The following CYB5R2 variants were observed in gnomAD, a reference collection of about 807,000 sequenced individuals.
The protein encoded by CYB5R2 is cytochrome b5 reductase 2.
A neutral mutation model predicts 29.8 loss-of-function variants in CYB5R2; 35 were observed. The observed-to-expected ratio is 1.17, with a 90% CI of 0.90 to 1.56. The LOEUF is 1.56. Among genes scored for constraint, CYB5R2 ranks in the 40% most tolerant of loss-of-function variants. The pLI, the probability that CYB5R2 is intolerant of heterozygous loss-of-function variation, is 0.00. For missense variants in CYB5R2, 419 were observed against 346.7 expected (o/e 1.21, Z -1.66); for synonymous variants, 169 against 130.6 (o/e 1.29, Z -2.01).
rs142188175 is a variant in CYB5R2 at position 7,672,451 on chromosome 11, C to T, written c.151G>A (p.Gly51Ser). 26 of 1,613,968 alleles carry T rather than the reference C, an allele frequency of 1.6e-5. No individual in the cohort carries two copies. In the African/African-American group the frequency reaches 3.5e-4, roughly 22 times the overall value. ...TGGTGATGACCCAAGCCCGGCTCAC[C>T]TACAGGAAGCCCTAAGACATGGTCC... ...SPDHVLGLPVGNYVQLLAKID... is the reference protein window; with the variant it reads ...SPDHVLGLPVSNYVQLLAKID... Residue 51 changes from glycine to serine, a missense_variant and splice_region_variant, in exon 3 of 9, where the codon GGT becomes AGT. Coordinates refer to ENST00000299498, the MANE Select transcript of CYB5R2 (RefSeq NM_016229.5).
rs776802534 is a variant in CYB5R2 at position 7,669,219 on chromosome 11, A to G, written c.374T>C (p.Phe125Ser). 1 of 1,614,008 alleles carries G rather than the reference A, an allele frequency of 6.2e-7. No homozygotes were observed. Among genetic ancestry groups the G allele is most frequent in the African/African-American group, 1.3e-5 (1 of 74,894 alleles). The change falls in exon 5 of 9, where the codon TTT becomes TCT. Residue 125 changes from phenylalanine to serine, a missense_variant. Coordinates refer to ENST00000299498, the MANE Select transcript of CYB5R2 (RefSeq NM_016229.5). ...CCCTCCAGTACCTGGCCCATGGTAA[A>G]ACAAGCGTCCCCTTGGCCCTCGAAA... ...IFFRGPRGRL[F>S]YHGPGNLGIR...
chr11:7,674,019 A>G (rs1855934685), upstream of CYB5R2: 2 of 1,165,798 alleles, frequency 1.7e-6, no homozygotes, highest in South Asian at 1.6e-5. Context: ...CGGGGCGCTG[A>G]GCCGTGGCGT....
rs370655207 is a variant in CYB5R2, at chr11:7,672,531, A to C, written c.79-8T>G. 1.2e-6 allele frequency: 2 copies of C among 1,614,016 alleles called. No individual in the cohort carries two copies. The highest frequency in any genetic ancestry group is 8.5e-7 in the Non-Finnish European group (1 of 1,179,890). ...GGTGTTGTGGCTGATTTTCTGATAA[A>C]ACAAAACATAGGCAGGTTCTGTCAG... On this transcript the variant is annotated splice_polypyrimidine_tract_variant and splice_region_variant and intron_variant, in intron 2 of 8. Transcript: ENST00000299498.
intron 8 of CYB5R2, 128 bp from the exon 9 acceptor site, chr11:7,665,674 G>A: frequency 8.4e-7 from 1 of 1,185,602 alleles, no homozygotes; most frequent in Non-Finnish European, 1.2e-6. Context: ...TTAGAAGTCT[G>A]TACTACTGCT....
At chr11:7,666,005 A>G in intron 8 of CYB5R2, 1 of 1,192,766 alleles carries the variant, frequency 8.4e-7, no homozygotes, top group Non-Finnish European at 1.2e-6. Flanking sequence ...CTCTGTGCAC[A>G]GTGGTTGCTG....
upstream of CYB5R2, chr11:7,674,033 C>T: frequency 8.5e-7 from 1 of 1,172,942 alleles, no homozygotes; most frequent in Non-Finnish European, 1.1e-6. Context: ...GTGGCGTCCT[C>T]GCTCCTGCGC....
Position 7,665,336 on chromosome 11 carries a change from G to A in CYB5R2, c.*38C>T. 6.9e-7 allele frequency: 1 copy of A among 1,456,476 alleles called. No homozygotes were observed. Among genetic ancestry groups the A allele is most frequent in the Admixed American group, 2.6e-5 (1 of 38,422 alleles). 90.2% of individuals were successfully genotyped at this position (1,456,476 alleles called of 1,614,324 possible). On this transcript the variant is annotated 3_prime_UTR_variant, in exon 9 of 9. Coordinates refer to ENST00000299498, the MANE Select transcript of CYB5R2 (RefSeq NM_016229.5). ...AAATTGAACTTACTCTGAAACAGAT[G>A]AAAAGGGACATGCAAAATTGCTGAG...
At chr11:7,666,644 GCCA>G (rs1855262504) in intron 7 of CYB5R2, 94 bp from the exon 8 acceptor site, 2 of 787,548 alleles carry the variant, frequency 2.5e-6, no homozygotes, top group Non-Finnish European at 4.1e-6. Flanking sequence ...GGCCAAAGCT[GCCA>G]CCACTCCAGC....
upstream of CYB5R2, chr11:7,673,948 T>C: frequency 9.9e-7 from 1 of 1,007,364 alleles, no homozygotes; most frequent in Non-Finnish European, 1.2e-6. Flanking sequence ...GGGCTCTCAC[T>C]CACGAGCCGC....
chr11:7,673,824 C>A (rs912170449), upstream of CYB5R2: 2 of 987,566 alleles, frequency 2.0e-6, no homozygotes, highest in Admixed American at 6.1e-5. Flanking sequence ...GCCTGGCCGA[C>A]GGGGAACCGG....
intron 3 of CYB5R2, chr11:7,670,798 T>A (rs1291678227): frequency 6.6e-6 from 1 of 152,068 alleles, no homozygotes; most frequent in Non-Finnish European, 1.5e-5. Flanking sequence ...AGGAGTGCAA[T>A]CAAGAGATAC....
Position 7,669,285 on chromosome 11 carries a change from G to A in CYB5R2, c.308C>T (p.Thr103Ile), listed in dbSNP as rs150689769. The A allele has an allele frequency of 1.2e-6, 2 of 1,614,098 alleles. No individual in the cohort carries two copies. The highest frequency in any genetic ancestry group is 2.2e-5 in the South Asian group (2 of 91,080). The change falls in exon 5 of 9, where the codon ACT (threonine) becomes ATT (isoleucine). Residue 103 changes from threonine (T) to isoleucine (I), a missense_variant. By Grantham distance (89) the Thr-to-Ile change is moderately conservative. Transcript: ENST00000299498. The stretch of plus-strand genomic sequence containing the variant: ...GATTTTCATGTTCTCCAAATACTGA[G>A]TCATCTTCCCACCTTCAGGATATTG... ...HPQYPEGGKM[T>I]QYLENMKIGE...
At chr11:7,669,107 C>G (rs551444263) in intron 5 of CYB5R2, 98 bp downstream of exon 5, 2 of 1,453,570 alleles carry the variant, frequency 1.4e-6, no homozygotes, top group South Asian at 2.3e-5. Flanking sequence ...CTAAGGACAA[C>G]CCCATGTGAC....
intron 7 of CYB5R2, 118 bp from the exon 8 acceptor site, chr11:7,666,668 G>A (rs541543663): frequency 1.1e-5 from 7 of 632,976 alleles, no homozygotes; most frequent in South Asian, 2.0e-5. Context: ...TGGAGTGCTC[G>A]CTGCCAACTC....
chr11:7,666,206 G>T, intron 8 of CYB5R2: 2 of 579,950 alleles, frequency 3.4e-6, no homozygotes, highest in Non-Finnish European at 6.2e-6. Flanking sequence ...CCCTTTTGAT[G>T]TTCAGTGCAG....
intron 2 of CYB5R2, 82 bp from the exon 3 acceptor site, chr11:7,672,605 C>T (rs1476022610): frequency 9.5e-6 from 14 of 1,477,850 alleles, no homozygotes; most frequent in Admixed American, 3.5e-5. Context: ...AAAGGAGGTC[C>T]GTTTGGCGCT....
intron 8 of CYB5R2, chr11:7,665,989 G>C: frequency 7.4e-7 from 1 of 1,342,600 alleles, no homozygotes; most frequent in Non-Finnish European, 1.0e-6. Flanking sequence ...GCGCGCCTGT[G>C]GGGTGCTCTG....
intron 3 of CYB5R2, chr11:7,671,467 T>G (rs1483057799): frequency 2.6e-5 from 4 of 152,378 alleles, no homozygotes; most frequent in Admixed American, 2.6e-4. Context: ...TAAGCAATTC[T>G]CTATCTCAAA....
At chr11:7,669,447 T>C in intron 4 of CYB5R2, 113 bp from the exon 5 acceptor site, 1 of 1,380,342 alleles carries the variant, frequency 7.2e-7, no homozygotes, top group Non-Finnish European at 9.9e-7. Flanking sequence ...TTCTCCTCTC[T>C]GAATTGTTGT....
Sources: gnomAD v4.1 joint callset for allele counts on GRCh38, gnomAD v4.1.1 for gene constraint, MANE v1.5 for transcripts, NCBI Gene and HGNC (gene_info 2026-07-23, HGNC 2026-07-21) for gene names.